LRP1B: variants seen among roughly 807,000 people sequenced by gnomAD.
LRP1B encodes LDL receptor related protein 1B, also known as low-density lipoprotein receptor-related protein 1B.
LRP1B carries 217 observed loss-of-function variants against 556.6 expected under a neutral mutation model. The observed-to-expected ratio is 0.39, with a 90% CI of 0.35 to 0.44. LRP1B has a LOEUF of 0.44. LRP1B is among the 20% of genes least tolerant of loss of function. The probability of loss-of-function intolerance (pLI) is 1.00; values close to 1 mark genes in which losing one functional copy is unlikely to be tolerated. For missense variants in LRP1B, 5,053 were observed against 5,620.8 expected (o/e 0.90, Z 3.23); for synonymous variants, 2,047 against 1,865.8 (o/e 1.10, Z -2.50).
chr2:140,981,475 T>A (rs2105342575), intron 18 of LRP1B, among the ~76,000 whole-genome samples: 1 of 152,244 alleles, frequency 6.6e-6, no homozygotes, highest in South Asian at 2.1e-4. Flanking sequence ...CTCATTCTGT[T>A]ACTGTGTTTC....
chr2:140,909,085 AC>A, intron 21 of LRP1B, among the ~76,000 whole-genome samples: 1 of 152,338 alleles, frequency 6.6e-6, no homozygotes. Flanking sequence ...GGCATGAGCC[AC>A]CATGACTGGC....
intron 31 of LRP1B, among the ~76,000 whole-genome samples, chr2:140,838,282 A>C (rs964331424): frequency 6.6e-6 from 1 of 152,158 alleles, no homozygotes; most frequent in African/African-American, 2.4e-5. Flanking sequence ...GAATTGCCTT[A>C]GTTCAAATTA....
chr2:141,341,789 T>A (rs1472237306), intron 3 of LRP1B, among the ~76,000 whole-genome samples: 3 of 152,160 alleles, frequency 2.0e-5, no homozygotes, highest in South Asian at 2.1e-4. Context: ...GTCAGCATCA[T>A]AAGATGGAAA....
At chr2:141,565,951 A>G (rs1276722557) in intron 2 of LRP1B, among the ~76,000 whole-genome samples, 2 of 151,498 alleles carry the variant, frequency 1.3e-5, no homozygotes, top group Non-Finnish European at 2.9e-5. Flanking sequence ...ACATTTCTTT[A>G]TTTTACCAAG....
intron 1 of LRP1B, among the ~76,000 whole-genome samples, chr2:142,015,131 A>G (rs966749917): frequency 6.6e-6 from 1 of 152,184 alleles, no homozygotes; most frequent in African/African-American, 2.4e-5. Context: ...TTTTATAAAT[A>G]TTACTAGTCA....
At chr2:140,264,108 C>T (rs1461057955) in intron 86 of LRP1B, among the ~76,000 whole-genome samples, 2 of 152,110 alleles carry the variant, frequency 1.3e-5, no homozygotes, top group African/African-American at 4.8e-5. Flanking sequence ...TTCACATGGC[C>T]ATCACTGTGT....
At chr2:142,034,406 T>C (rs928401167) in intron 1 of LRP1B, among the ~76,000 whole-genome samples, 1 of 151,798 alleles carries the variant, frequency 6.6e-6, no homozygotes, top group Non-Finnish European at 1.5e-5. Flanking sequence ...CTAAATATGC[T>C]GTGGGAACAT....
At chr2:141,026,658 T>C (rs1368058135) in intron 11 of LRP1B, among the ~76,000 whole-genome samples, 1 of 152,068 alleles carries the variant, frequency 6.6e-6, no homozygotes, top group Non-Finnish European at 1.5e-5. Flanking sequence ...TAGGTAAATG[T>C]GGTAAAGGAG....
At chr2:141,703,620 A>G (rs750294498) in intron 2 of LRP1B, among the ~76,000 whole-genome samples, 7 of 151,796 alleles carry the variant, frequency 4.6e-5, no homozygotes, top group Non-Finnish European at 7.4e-5. Context: ...CTTTCATTCA[A>G]CTCCCACATA....
At chr2:141,503,501 A>G (rs1455786735) in intron 2 of LRP1B, among the ~76,000 whole-genome samples, 1 of 151,970 alleles carries the variant, frequency 6.6e-6, no homozygotes, top group Admixed American at 6.6e-5. Flanking sequence ...AAATAATAAT[A>G]CTGCAGTTAT....
intron 2 of LRP1B, among the ~76,000 whole-genome samples, chr2:141,791,480 A>C (rs1024445340): frequency 2.0e-5 from 3 of 152,076 alleles, no homozygotes; most frequent in Admixed American, 2.0e-4. Flanking sequence ...TACATTTCAA[A>C]TTAAATATAT....
At chr2:140,838,365 T>C (rs1030775830) in intron 31 of LRP1B, among the ~76,000 whole-genome samples, 2 of 152,168 alleles carry the variant, frequency 1.3e-5, no homozygotes, top group South Asian at 4.1e-4. Flanking sequence ...CATAGAAGTA[T>C]TAGCGTTTCA....
At chr2:141,329,521 G>A (rs1687556399) in intron 3 of LRP1B, among the ~76,000 whole-genome samples, 1 of 151,848 alleles carries the variant, frequency 6.6e-6, no homozygotes, top group African/African-American at 2.4e-5. Flanking sequence ...GCGGGCACCT[G>A]TAGTCCCAGC....
intron 1 of LRP1B, among the ~76,000 whole-genome samples, chr2:142,039,567 C>A (rs1222984304): frequency 2.0e-5 from 3 of 151,460 alleles, no homozygotes; most frequent in African/African-American, 7.3e-5. Flanking sequence ...TACCCAAACA[C>A]AAACTAAACA....
At chr2:140,904,452 A>ATT (rs1171298923) in intron 22 of LRP1B, among the ~76,000 whole-genome samples, 2 of 151,898 alleles carry the variant, frequency 1.3e-5, no homozygotes, top group African/African-American at 4.8e-5. Flanking sequence ...AGCAATATTT[A>ATT]TATAATGCAA....
intron 6 of LRP1B, among the ~76,000 whole-genome samples, chr2:141,216,229 T>A (rs568641654): frequency 3.1e-4 from 47 of 152,264 alleles, no homozygotes; most frequent in African/African-American, 1.1e-3. Context: ...GCCACTTTCG[T>A]CCAGATACAC....
intron 43 of LRP1B, among the ~76,000 whole-genome samples, chr2:140,572,405 C>T (rs1225488868): frequency 6.6e-6 from 1 of 151,662 alleles, no homozygotes; most frequent in South Asian, 2.1e-4. Flanking sequence ...CGGTCAACAT[C>T]ACTAATCATG....
intron 41 of LRP1B, among the ~76,000 whole-genome samples, chr2:140,634,745 C>G (rs1684012595): frequency 6.6e-6 from 1 of 151,946 alleles, no homozygotes; most frequent in Non-Finnish European, 1.5e-5. Flanking sequence ...AGCTGAAGGA[C>G]ATTATATAAT....
intron 1 of LRP1B, among the ~76,000 whole-genome samples, chr2:142,017,007 T>C (rs2105168223): frequency 6.6e-6 from 1 of 151,826 alleles, no homozygotes; most frequent in South Asian, 2.1e-4. Flanking sequence ...TATATATATA[T>C]GAAAGAGTAC....
Sources: gnomAD v4.1 joint callset for allele counts (sites outside exome capture counted in the v4.1 genomes callset) on GRCh38, gnomAD v4.1.1 for gene constraint, MANE v1.5 for transcripts, NCBI Gene and HGNC (gene_info 2026-07-23, HGNC 2026-07-21) for gene names.